The following SLC6A11 variants were observed in gnomAD, a reference collection of about 807,000 sequenced individuals.
SLC6A11 encodes solute carrier family 6 member 11, also known as sodium- and chloride-dependent GABA transporter 3.
Under a neutral mutation model 74.8 loss-of-function variants are expected in SLC6A11, and 25 were observed. The observed-to-expected ratio is 0.33, with a 90% CI of 0.24 to 0.47. The LOEUF is 0.47. SLC6A11 is among the 20% of genes least tolerant of loss of function. SLC6A11 has a pLI of 1.00. For synonymous variants in SLC6A11, 330 were observed against 330.2 expected (o/e 1.00, Z 0.01); for missense variants, 574 against 837.0 (o/e 0.69, Z 3.88).
chr3:10,872,548 A>T (rs1246565578), intron 5 of SLC6A11, among the ~76,000 whole-genome samples: 2 of 152,222 alleles, frequency 1.3e-5, no homozygotes, highest in African/African-American at 4.8e-5. Flanking sequence ...GACATGAGGC[A>T]TGACCTCCTG....
intron 5 of SLC6A11, among the ~76,000 whole-genome samples, chr3:10,853,979 C>T (rs1463172256): frequency 6.6e-6 from 1 of 152,250 alleles, no homozygotes; most frequent in African/African-American, 2.4e-5. Context: ...GACTCAGCTT[C>T]CTTCTGTACG....
chr3:10,881,881 G>C (rs572684219), intron 6 of SLC6A11, among the ~76,000 whole-genome samples: 1 of 152,274 alleles, frequency 6.6e-6, no homozygotes, highest in South Asian at 2.1e-4. Context: ...CCTTCCCTCA[G>C]GATTACAAGG....
rs566802788 is a variant in SLC6A11 at position 10,862,928 on chromosome 3, G to C, written c.757-12033G>C. Among the ~76,000 whole-genome samples, 4 of 152,356 alleles carry C rather than the reference G, an allele frequency of 2.6e-5. No individual in the cohort carries two copies. In the East Asian group the frequency reaches 7.7e-4, roughly 29 times the overall value. On this transcript the variant is annotated intron_variant, in intron 5 of 13. Transcript: ENST00000254488. ...TGGCACACTGTAGGCTCAGTGGATG[G>C]ATATGAATGGAATTCAACTGCGAGT...
rs539350557 is a variant in SLC6A11 at position 10,909,019 on chromosome 3, T to G, written c.892-3071T>G. On this transcript the variant is annotated intron_variant, in intron 6 of 13. Coordinates refer to ENST00000254488, the MANE Select transcript of SLC6A11 (RefSeq NM_014229.3). ...ATTGGTCTGCCTTTGCTCTAGACTC[T>G]GCTTTCCTGTGTGTTGGCCTTAATT... Among the ~76,000 whole-genome samples, 28 of 151,966 alleles carry G rather than the reference T, an allele frequency of 1.8e-4. No individual in the cohort carries two copies. In the East Asian group the frequency reaches 5.2e-3, roughly 28 times the overall value.
chr3:10,830,494 T>C (rs2106577104), intron 4 of SLC6A11, among the ~76,000 whole-genome samples: 1 of 152,334 alleles, frequency 6.6e-6, no homozygotes, highest in East Asian at 1.9e-4. Flanking sequence ...CTCACCCTTA[T>C]GGAGCTGAGA....
intron 6 of SLC6A11, among the ~76,000 whole-genome samples, chr3:10,899,749 T>TTCC (rs1442644964): frequency 6.6e-6 from 1 of 152,240 alleles, no homozygotes; most frequent in African/African-American, 2.4e-5. Flanking sequence ...TGGTGTCATT[T>TTCC]TCCTCCTTCC....
At chr3:10,894,828 A>G (rs559336577) in intron 6 of SLC6A11, among the ~76,000 whole-genome samples, 3 of 152,392 alleles carry the variant, frequency 2.0e-5, no homozygotes, top group African/African-American at 7.2e-5. Context: ...AAGGCAATGC[A>G]TATGTTATTT....
intron 4 of SLC6A11, among the ~76,000 whole-genome samples, chr3:10,841,803 C>CTG (rs139143228): frequency 2.6e-5 from 4 of 151,836 alleles, no homozygotes; most frequent in African/African-American, 7.3e-5. Context: ...AGGCACATGT[C>CTG]TGTGTGTGTG....
At chr3:10,819,306 C>A (rs1694105347) in intron 1 of SLC6A11, among the ~76,000 whole-genome samples, 159 bp from the exon 2 acceptor site, 1 of 152,140 alleles carries the variant, frequency 6.6e-6, no homozygotes. Flanking sequence ...CTTACAGAAA[C>A]CTAGCGCTGT....
At chr3:10,856,583 G>A (rs1694640708) in intron 5 of SLC6A11, among the ~76,000 whole-genome samples, 1 of 152,176 alleles carries the variant, frequency 6.6e-6, no homozygotes, top group South Asian at 2.1e-4. Flanking sequence ...TTTAAACCCA[G>A]GTCTACCAAG....
Position 10,915,609 on chromosome 3 carries a change from G to C in SLC6A11, c.996-2720G>C, listed in dbSNP as rs1368786555. Among the ~76,000 whole-genome samples, 1 of 152,162 alleles carries C rather than the reference G, an allele frequency of 6.6e-6. No homozygotes were observed. The highest frequency in any genetic ancestry group is 1.9e-4 in the East Asian group (1 of 5,152). Reference sequence around the variant, plus strand: ...GAATTAGAGGGATGGAAATGGGAGCGAGCCAGGCAGGGAAAATCCTCACTT... The same window carrying C: ...GAATTAGAGGGATGGAAATGGGAGCCAGCCAGGCAGGGAAAATCCTCACTT... On this transcript the variant is annotated intron_variant, in intron 7 of 13. Coordinates refer to ENST00000254488, the MANE Select transcript of SLC6A11 (RefSeq NM_014229.3). This position sits in a 1 kb window ranked among gnomAD's most constrained non-coding sequence, Gnocchi z 4.3.
intron 5 of SLC6A11, among the ~76,000 whole-genome samples, chr3:10,874,232 T>C (rs1694881413): frequency 6.6e-6 from 1 of 152,222 alleles, no homozygotes; most frequent in African/African-American, 2.4e-5. Context: ...CACACATGTG[T>C]TATGTTGTGA....
At chr3:10,935,752 T>C (rs191931340) in intron 13 of SLC6A11, among the ~76,000 whole-genome samples, 6 of 152,336 alleles carry the variant, frequency 3.9e-5, no homozygotes, top group Admixed American at 3.9e-4. Flanking sequence ...GACAATTTCA[T>C]CAAAGTAGAT....
At chr3:10,892,295 G>C (rs1051195811) in intron 6 of SLC6A11, among the ~76,000 whole-genome samples, 1 of 152,256 alleles carries the variant, frequency 6.6e-6, no homozygotes, top group Non-Finnish European at 1.5e-5. Flanking sequence ...TGTTCACACA[G>C]AGGCCAAACA....
intron 6 of SLC6A11, among the ~76,000 whole-genome samples, chr3:10,901,382 G>A (rs1172289581): frequency 2.6e-5 from 4 of 152,174 alleles, no homozygotes; most frequent in African/African-American, 4.8e-5. Context: ...AGGGGCCACC[G>A]GGGTCGGCCT....
intron 4 of SLC6A11, among the ~76,000 whole-genome samples, chr3:10,843,008 C>T (rs1250147513): frequency 6.6e-6 from 1 of 152,042 alleles, no homozygotes; most frequent in African/African-American, 2.4e-5. Context: ...TCTCAAAGGA[C>T]GTTCACAGAG....
intron 6 of SLC6A11, among the ~76,000 whole-genome samples, chr3:10,911,864 A>T (rs2581206): frequency 6.6e-6 from 1 of 151,950 alleles, no homozygotes; most frequent in Non-Finnish European, 1.5e-5. Context: ...TTATTCATAA[A>T]CTCTGGCAAA....
chr3:10,873,981 C>CGCTACGCTACGCTAT (rs796725285), intron 5 of SLC6A11, among the ~76,000 whole-genome samples: 2 of 144,136 alleles, frequency 1.4e-5, no homozygotes, highest in Non-Finnish European at 3.0e-5. Flanking sequence ...TGCTACGCTA[C>CGCTACGCTACGCTAT]GCTACGCTAC....
chr3:10,863,554 C>T (rs1694729315), intron 5 of SLC6A11, among the ~76,000 whole-genome samples: 1 of 152,196 alleles, frequency 6.6e-6, no homozygotes, highest in South Asian at 2.1e-4. Flanking sequence ...CAAGATGGCT[C>T]CCCGTATCTG....
Sources: gnomAD v4.1 joint callset for allele counts (sites outside exome capture counted in the v4.1 genomes callset) on GRCh38, gnomAD v4.1.1 for gene constraint, Gnocchi (gnomAD v3.1) non-coding constraint, MANE v1.5 for transcripts, NCBI Gene and HGNC (gene_info 2026-07-23, HGNC 2026-07-21) for gene names.